Variants in SYNPR observed in about 807,000 individuals in gnomAD.
SYNPR encodes synaptoporin.
SYNPR carries 23 observed loss-of-function variants against 32.9 expected under a neutral mutation model. The observed-to-expected ratio is 0.70, with a 90% CI of 0.50 to 0.99. The LOEUF (loss-of-function observed/expected upper bound fraction) is 0.99, where lower values mean the gene tolerates loss of function less well. Ranked by LOEUF, SYNPR falls within the 50% of genes least tolerant of loss-of-function variation. The pLI, the probability that SYNPR is intolerant of heterozygous loss-of-function variation, is 0.00. For missense variants in SYNPR, 318 were observed against 349.3 expected, an observed-to-expected ratio of 0.91 and a Z score of 0.71; for synonymous variants, 146 against 135.9, an observed-to-expected ratio of 1.07 and a Z score of -0.52.
intron 2 of SYNPR, among the ~76,000 whole-genome samples, chr3:63,259,227 C>G (rs935613813): frequency 2.0e-5 from 3 of 152,158 alleles, no homozygotes; most frequent in African/African-American, 7.2e-5. Flanking sequence ...TTTTATGAGG[C>G]CAGCATCATC....
intron 1 of SYNPR, among the ~76,000 whole-genome samples, chr3:63,250,310 C>A (rs546353105): frequency 6.6e-6 from 1 of 151,750 alleles, no homozygotes; most frequent in African/African-American, 2.4e-5. Flanking sequence ...TATTACATGT[C>A]AACTAAAAAT....
chr3:63,318,315 G>C (rs1299211099), intron 2 of SYNPR, among the ~76,000 whole-genome samples: 2 of 151,926 alleles, frequency 1.3e-5, no homozygotes, highest in African/African-American at 2.4e-5. Context: ...GCAAGGCCAG[G>C]GAAGTTTTCC....
chr3:63,379,661 T>A (rs151232193), intron 2 of SYNPR, among the ~76,000 whole-genome samples: 143 of 152,180 alleles, frequency 9.4e-4, no homozygotes, highest in African/African-American at 3.3e-3. Flanking sequence ...GATTACTGTT[T>A]GTATATCTTT....
chr3:63,501,697 A>G (rs985783156), intron 3 of SYNPR, among the ~76,000 whole-genome samples: 2 of 152,064 alleles, frequency 1.3e-5, no homozygotes, highest in Non-Finnish European at 2.9e-5. Context: ...GGATATGATG[A>G]CTTTAAGAAT....
At position 63,258,216 on chromosome 3, in the gene SYNPR, C is replaced by T. The variant is rs556538866; in HGVS notation, n.154+5630C>T. ...GAATTGAACTCAGCTCTGCACCAAG[C>T]GGACCTAATAGACATCTACAGAACT... On this transcript the variant is annotated intron_variant and non_coding_transcript_variant, in intron 2 of 4. Coordinates refer to the SYNPR transcript ENST00000478456. Among the ~76,000 whole-genome samples the T allele has an allele frequency of 1.9e-4, 29 of 152,256 alleles. 1 individual carries two copies. Among genetic ancestry groups the T allele is most frequent in the South Asian group, 8.3e-4 (4 of 4,816 alleles).
At chr3:63,318,750 T>G (rs1310848231) in intron 2 of SYNPR, among the ~76,000 whole-genome samples, 1 of 152,092 alleles carries the variant, frequency 6.6e-6, no homozygotes, top group Non-Finnish European at 1.5e-5. Context: ...CTTGAATTCT[T>G]TTTCAGGTAA....
chr3:63,223,745 T>C (rs1374572709), upstream of SYNPR, among the ~76,000 whole-genome samples: 1 of 152,234 alleles, frequency 6.6e-6, no homozygotes, highest in African/African-American at 2.4e-5. Context: ...CCCTCTTCTA[T>C]ATTCCCATAG....
At chr3:63,251,711 T>G (rs1392690016) in intron 1 of SYNPR, among the ~76,000 whole-genome samples, 2 of 152,016 alleles carry the variant, frequency 1.3e-5, no homozygotes, top group Non-Finnish European at 2.9e-5. Context: ...AAGATCTACG[T>G]AATCAGTGAC....
chr3:63,530,432 T>C (rs1702091241), intron 3 of SYNPR, among the ~76,000 whole-genome samples: 1 of 152,194 alleles, frequency 6.6e-6, no homozygotes, highest in Non-Finnish European at 1.5e-5. Context: ...CTATCTTCAC[T>C]GGAAGGTTCT....
chr3:63,234,305 C>CCTCCCACCAGGTCT (rs1468351162), intron 1 of SYNPR, among the ~76,000 whole-genome samples: 1 of 152,126 alleles, frequency 6.6e-6, no homozygotes, highest in African/African-American at 2.4e-5. Context: ...GATTCAATTA[C>CCTCCCACCAGGTCT]CTCCCACCAG....
chr3:63,375,707 C>T (rs1158159439), intron 2 of SYNPR, among the ~76,000 whole-genome samples: 1 of 151,718 alleles, frequency 6.6e-6, no homozygotes, highest in Non-Finnish European at 1.5e-5. Context: ...TACCCTAGAA[C>T]TTAAAGTATA....
At chr3:63,251,763 C>T (rs2086333304) in intron 1 of SYNPR, among the ~76,000 whole-genome samples, 1 of 151,898 alleles carries the variant, frequency 6.6e-6, no homozygotes, top group Non-Finnish European at 1.5e-5. Flanking sequence ...CATCCGTCTG[C>T]TTGGAAAGAC....
chr3:63,439,427 T>C (rs1700132124), intron 2 of SYNPR, among the ~76,000 whole-genome samples: 1 of 152,210 alleles, frequency 6.6e-6, no homozygotes, highest in South Asian at 2.1e-4. Flanking sequence ...TTTTGTCAGT[T>C]CCAATTCTAT....
At chr3:63,434,316 T>C (rs547384382) in intron 2 of SYNPR, among the ~76,000 whole-genome samples, 15 of 152,160 alleles carry the variant, frequency 9.9e-5, no homozygotes, top group Non-Finnish European at 1.9e-4. Flanking sequence ...GGAGAGAGAG[T>C]ACATTTCACT....
the SYNPR span, among the ~76,000 whole-genome samples, chr3:63,206,186 A>C: frequency 6.6e-6 from 1 of 152,164 alleles, no homozygotes; most frequent in African/African-American, 2.4e-5. Flanking sequence ...CTCATTTTTA[A>C]TAAGATCTAT....
intron 2 of SYNPR, among the ~76,000 whole-genome samples, chr3:63,391,978 C>T (rs559359154): frequency 1.2e-4 from 18 of 152,268 alleles, no homozygotes; most frequent in East Asian, 9.7e-4. Context: ...TCCTAAGCTG[C>T]GCAACCTCTT....
chr3:63,369,406 T>C (rs967148385), intron 2 of SYNPR, among the ~76,000 whole-genome samples: 1 of 152,136 alleles, frequency 6.6e-6, no homozygotes, highest in Non-Finnish European at 1.5e-5. Flanking sequence ...GAGCACCCAG[T>C]ATAGGGAAAG....
At chr3:63,596,256 T>C in intron 4 of SYNPR, among the ~76,000 whole-genome samples, 2 of 140,526 alleles carry the variant, frequency 1.4e-5, no homozygotes, top group African/African-American at 2.6e-5. Flanking sequence ...CTCAATTCCT[T>C]CCCCCCTTCT....
chr3:63,410,284 AATG>A (rs1166137576), intron 2 of SYNPR, among the ~76,000 whole-genome samples: 7 of 152,148 alleles, frequency 4.6e-5, no homozygotes, highest in Non-Finnish European at 1.0e-4. Flanking sequence ...AACTTAATTA[AATG>A]ATGGAGTTGA....
Sources: gnomAD v4.1 joint callset for allele counts (sites outside exome capture counted in the v4.1 genomes callset) on GRCh38, gnomAD v4.1.1 for gene constraint, MANE v1.5 for transcripts, NCBI Gene and HGNC (gene_info 2026-07-23, HGNC 2026-07-21) for gene names.